STXBP4: variants seen among roughly 807,000 people sequenced by gnomAD.
STXBP4 encodes the protein syntaxin-binding protein 4.
STXBP4 carries 55 observed loss-of-function variants against 76.1 expected under a neutral mutation model. The observed-to-expected ratio is 0.72, with a 90% CI of 0.58 to 0.91. The LOEUF (loss-of-function observed/expected upper bound fraction) is 0.91, where lower values mean the gene tolerates loss of function less well. STXBP4 is among the 40% of genes least tolerant of loss of function. The pLI is 0.00. For synonymous variants in STXBP4, 201 were observed against 220.2 expected, an observed-to-expected ratio of 0.91 and a Z score of 0.77; for missense variants, 618 against 636.9, an observed-to-expected ratio of 0.97 and a Z score of 0.32.
chr17:55,192,645 A>T, the STXBP4 span, among the ~76,000 whole-genome samples: 2 of 152,182 alleles, frequency 1.3e-5, no homozygotes, highest in Non-Finnish European at 2.9e-5. Flanking sequence ...ATTCATAATC[A>T]CTATGTGCCA....
intron 16 of STXBP4, among the ~76,000 whole-genome samples, chr17:55,102,605 A>G (rs766160252): frequency 2.6e-5 from 4 of 152,150 alleles, no homozygotes; most frequent in Non-Finnish European, 1.5e-5. Context: ...ATGTGTCTTT[A>G]TAGTAGAATG....
At chr17:55,062,351 G>A (rs2079004605) in intron 12 of STXBP4, among the ~76,000 whole-genome samples, 1 of 152,046 alleles carries the variant, frequency 6.6e-6, no homozygotes, top group South Asian at 2.1e-4. Flanking sequence ...TTGGTTTTCT[G>A]TTCCTGTGTT....
At chr17:55,016,507 G>T (rs1287717301) in intron 8 of STXBP4, among the ~76,000 whole-genome samples, 1 of 152,196 alleles carries the variant, frequency 6.6e-6, no homozygotes, top group Non-Finnish European at 1.5e-5. Flanking sequence ...TTTTGATTCT[G>T]TAAGTACTTT....
At chr17:55,133,724 T>C (rs751173814) in intron 16 of STXBP4, among the ~76,000 whole-genome samples, 4 of 151,814 alleles carry the variant, frequency 2.6e-5, no homozygotes, top group Non-Finnish European at 4.4e-5. Context: ...TCCAAGGAGG[T>C]AGTGATCAAC....
chr17:55,069,750 T>A (rs1450139227), intron 12 of STXBP4, among the ~76,000 whole-genome samples: 1 of 152,206 alleles, frequency 6.6e-6, no homozygotes, highest in East Asian at 1.9e-4. Context: ...TTACCATCAG[T>A]GCACAATAAT....
rs2145211610 is a variant in STXBP4 at position 55,168,583 on chromosome 17, C to T, written c.*8672C>T. The T allele has an allele frequency of 6.6e-6, 1 of 152,140 alleles. No homozygotes were observed. Among genetic ancestry groups the T allele is most frequent in the East Asian group, 1.9e-4 (1 of 5,184 alleles). The allele number at this position is 152,140 out of a possible 1,614,324, so 9.4% of individuals were successfully genotyped here. ...TATCTTATACGCCTTTAAGTAAATA[C>T]AAGAGAACTGTTTCAGCATAGATTT... On this transcript the variant is annotated 3_prime_UTR_variant, in exon 18 of 18. Transcript: ENST00000376352.
At chr17:55,016,150 A>G (rs1318985273) in intron 8 of STXBP4, among the ~76,000 whole-genome samples, 1 of 152,166 alleles carries the variant, frequency 6.6e-6, no homozygotes, top group Non-Finnish European at 1.5e-5. Flanking sequence ...CATTAGTCCT[A>G]GAGCGTCCTT....
rs982875280 is a variant in STXBP4, at chr17:55,110,784, G to GT, written c.1489+29607dup. Among the ~76,000 whole-genome samples, 6 of 152,288 alleles carry GT rather than the reference G, an allele frequency of 3.9e-5. No individual in the cohort carries two copies. In the East Asian group the frequency reaches 1.2e-3, roughly 29 times the overall value. On this transcript the variant is annotated intron_variant, in intron 16 of 17. Transcript: ENST00000376352. The stretch of plus-strand genomic sequence containing the variant: ...AGTCCAGATTTGGCCCATGGCTATA[G>GT]TTTTTTCAAGTCCTAGCCTAGCACA...
chr17:55,118,850 T>A (rs1036986800), intron 16 of STXBP4, among the ~76,000 whole-genome samples: 1 of 151,588 alleles, frequency 6.6e-6, no homozygotes, highest in Non-Finnish European at 1.5e-5. Flanking sequence ...AGTAATTTTT[T>A]AAAATTTTCT....
At chr17:55,070,714 C>T (rs942108687) in intron 12 of STXBP4, among the ~76,000 whole-genome samples, 15 of 152,152 alleles carry the variant, frequency 9.9e-5, no homozygotes, top group Non-Finnish European at 1.0e-4. Context: ...TCCCTTTCCA[C>T]GACCTTTTTT....
chr17:55,185,450 C>CGT, the STXBP4 span, among the ~76,000 whole-genome samples: 936 of 150,518 alleles, frequency 6.2e-3, 8 homozygotes, highest in Middle Eastern at 0.01. Flanking sequence ...GGTGTGTGTA[C>CGT]GTGTGTGTGT....
intron 11 of STXBP4, chr17:55,044,712 T>C (rs1173860441): frequency 6.6e-6 from 1 of 152,110 alleles, no homozygotes. Flanking sequence ...ATTTCTGTAC[T>C]TTCCCTTCAA....
At chr17:55,195,325 G>A in the STXBP4 span, among the ~76,000 whole-genome samples, 1 of 152,198 alleles carries the variant, frequency 6.6e-6, no homozygotes, top group Non-Finnish European at 1.5e-5. Flanking sequence ...CTACCTCCAT[G>A]AAGATGTCCC....
intron 16 of STXBP4, among the ~76,000 whole-genome samples, chr17:55,138,915 AC>A (rs1288256022): frequency 6.6e-6 from 1 of 152,082 alleles, no homozygotes; most frequent in Non-Finnish European, 1.5e-5. Context: ...GAGATTAATT[AC>A]TATCATTTTA....
chr17:54,978,875 A>G (rs930623307), intron 1 of STXBP4, among the ~76,000 whole-genome samples: 1 of 152,150 alleles, frequency 6.6e-6, no homozygotes, highest in Admixed American at 6.5e-5. Flanking sequence ...TATTCTACAC[A>G]TTCTGTTTTT....
intron 1 of STXBP4, among the ~76,000 whole-genome samples, chr17:54,983,108 G>A (rs1021464785): frequency 6.6e-6 from 1 of 152,102 alleles, no homozygotes; most frequent in African/African-American, 2.4e-5. Context: ...CTGTAACATG[G>A]TGCCTGGCTG....
chr17:55,094,641 T>C (rs9303364), intron 16 of STXBP4, among the ~76,000 whole-genome samples: 9,622 of 152,274 alleles, frequency 0.063, 935 homozygotes, highest in African/African-American at 0.22. Context: ...CAGACAGATC[T>C]GCTGTCATCT....
chr17:54,980,574 G>T (rs1172334071), intron 1 of STXBP4, among the ~76,000 whole-genome samples: 4 of 152,218 alleles, frequency 2.6e-5, no homozygotes, highest in African/African-American at 4.8e-5. Context: ...TCCTCTAGAG[G>T]TTTTCCATCG....
At position 55,047,086 on chromosome 17, in the gene STXBP4, T is replaced by G. The variant is rs758847171; in HGVS notation, c.946-3T>G. The G allele has an allele frequency of 6.3e-7, 1 of 1,592,064 alleles. No homozygotes were observed. Among genetic ancestry groups the G allele is most frequent in the African/African-American group, 1.3e-5 (1 of 74,206 alleles). The stretch of plus-strand genomic sequence containing the variant: ...TTGTTAATTTGGTGGTTTTTAAATA[T>G]AGGAAAAATTATTGGAATCAGATAA... On this transcript the variant is annotated splice_region_variant and splice_polypyrimidine_tract_variant and intron_variant, in intron 11 of 17. Coordinates refer to ENST00000376352, the MANE Select transcript of STXBP4 (RefSeq NM_178509.6).
Sources: allele counts gnomAD v4.1 joint callset (sites outside exome capture counted in the v4.1 genomes callset), GRCh38; gene constraint gnomAD v4.1.1; transcripts MANE v1.5; gene names NCBI Gene and HGNC (gene_info 2026-07-23, HGNC 2026-07-21).